DPYD: variants seen among roughly 807,000 people sequenced by gnomAD.
DPYD encodes dihydropyrimidine dehydrogenase.
In DPYD, 109 loss-of-function variants were observed where a neutral mutation model predicts 116.2. The ratio of observed to expected loss-of-function variants is 0.94; its 90% CI spans 0.80 to 1.10. DPYD has a LOEUF of 1.10. Among genes scored for constraint, DPYD ranks in the 50% least tolerant of loss-of-function variants. DPYD has a pLI of 0.00. For missense variants in DPYD, 1,302 were observed against 1,254.5 expected (o/e 1.04, Z -0.57); for synonymous variants, 440 against 432.0 (o/e 1.02, Z -0.23).
intron 2 of DPYD, among the ~76,000 whole-genome samples, chr1:97,844,811 AC>A (rs1255652992): frequency 1.3e-5 from 2 of 151,950 alleles, no homozygotes; most frequent in East Asian, 3.9e-4. Flanking sequence ...GGCCTGGGAA[AC>A]CCCCCACTGC....
intron 21 of DPYD, among the ~76,000 whole-genome samples, chr1:97,097,576 T>C (rs1650356824): frequency 6.6e-6 from 1 of 152,096 alleles, no homozygotes; most frequent in Non-Finnish European, 1.5e-5. Flanking sequence ...TTTTTCTCAT[T>C]ATGACTGCTT....
In DPYD at chr1:97,829,107, T is replaced by C. The variant is rs569074922; in HGVS notation, c.151-911A>G. On this transcript the variant is annotated intron_variant, in intron 2 of 22. Coordinates refer to ENST00000370192, the MANE Select transcript of DPYD (RefSeq NM_000110.4). ...AGATTTCTTATGGAATTTACTAGTA[T>C]TTAGTTGATAAAATAACTAGATTTA... Among the ~76,000 whole-genome samples, 46 of 151,968 alleles carry C rather than the reference T, an allele frequency of 3.0e-4. No homozygotes were observed. In the South Asian group the frequency reaches 6.2e-3, roughly 21 times the overall value.
chr1:97,804,425 T>C lies in DPYD; in HGVS notation c.233+23689A>G, dbSNP rs1161784345. Reference sequence around the variant, plus strand: ...CCCATAATATAAAGTCCTAAAACTATTTGTGAAGTCTCAAGATGTTAAGAT... The same window carrying C: ...CCCATAATATAAAGTCCTAAAACTACTTGTGAAGTCTCAAGATGTTAAGAT... On this transcript the variant is annotated intron_variant, in intron 3 of 22. Transcript: ENST00000370192. Among the ~76,000 whole-genome samples, 2 of 151,824 alleles carry C rather than the reference T, an allele frequency of 1.3e-5. 1 individual carries two copies. Among genetic ancestry groups the C allele is most frequent in the Non-Finnish European group, 3.0e-5 (2 of 67,786 alleles).
intron 1 of DPYD, among the ~76,000 whole-genome samples, chr1:97,890,701 C>A (rs1258336585): frequency 6.6e-6 from 1 of 151,928 alleles, no homozygotes; most frequent in South Asian, 2.1e-4. Flanking sequence ...TAAAAAGACA[C>A]ATTTTTTTAA....
At chr1:97,622,172 G>T (rs1038109594) in intron 8 of DPYD, among the ~76,000 whole-genome samples, 3 of 151,982 alleles carry the variant, frequency 2.0e-5, no homozygotes, top group Non-Finnish European at 4.4e-5. Flanking sequence ...TATGCAAAGA[G>T]TCATAAAAGA....
intron 10 of DPYD, among the ~76,000 whole-genome samples, chr1:97,574,690 G>A (rs993861702): frequency 1.3e-5 from 2 of 152,032 alleles, no homozygotes; most frequent in African/African-American, 4.8e-5. Context: ...GAATATTAAT[G>A]TTTACTCATT....
chr1:97,650,820 T>A (rs982119902), intron 8 of DPYD, among the ~76,000 whole-genome samples: 4 of 151,994 alleles, frequency 2.6e-5, no homozygotes, highest in African/African-American at 9.7e-5. Flanking sequence ...CTTATCTGTT[T>A]CCACAGTGAA....
chr1:97,283,429 C>G (rs1463566635), intron 18 of DPYD, among the ~76,000 whole-genome samples: 2 of 151,962 alleles, frequency 1.3e-5, no homozygotes, highest in Non-Finnish European at 2.9e-5. Flanking sequence ...CACCTTTCAT[C>G]TAGGTGAAAA....
intron 5 of DPYD, among the ~76,000 whole-genome samples, chr1:97,714,402 T>G (rs543213749): frequency 1.3e-5 from 2 of 151,882 alleles, no homozygotes; most frequent in South Asian, 4.2e-4. Context: ...TTAGTAGAGA[T>G]GGGGTTTTAC....
At chr1:97,898,432 T>C (rs915562999) in intron 1 of DPYD, among the ~76,000 whole-genome samples, 17 of 151,932 alleles carry the variant, frequency 1.1e-4, no homozygotes, top group African/African-American at 4.1e-4. Flanking sequence ...CCCCTTCTGA[T>C]CTGCAGCCTA....
At chr1:97,747,648 T>C (rs116698420) in intron 3 of DPYD, among the ~76,000 whole-genome samples, 110 of 152,318 alleles carry the variant, frequency 7.2e-4, no homozygotes, top group Non-Finnish European at 1.3e-3. Flanking sequence ...TGTATGTAGC[T>C]ATGTATGTAC....
chr1:97,849,959 C>T (rs1670492326), intron 2 of DPYD, among the ~76,000 whole-genome samples: 1 of 152,084 alleles, frequency 6.6e-6, no homozygotes, highest in Admixed American at 6.6e-5. Context: ...TAAGAAATTT[C>T]CTGCCTGAGA....
chr1:97,234,232 A>G (rs1661760821), intron 19 of DPYD, among the ~76,000 whole-genome samples: 1 of 152,102 alleles, frequency 6.6e-6, no homozygotes, highest in East Asian at 1.9e-4. Flanking sequence ...GTTGAGCAAC[A>G]TTATTTTTAA....
intron 8 of DPYD, among the ~76,000 whole-genome samples, chr1:97,665,855 AG>A (rs1211673781): frequency 6.6e-6 from 1 of 152,224 alleles, no homozygotes; most frequent in Non-Finnish European, 1.5e-5. Context: ...CTTGAATAAA[AG>A]GAACTATGCT....
chr1:97,838,325 A>G (rs1230734312), intron 2 of DPYD, among the ~76,000 whole-genome samples: 1 of 152,172 alleles, frequency 6.6e-6, no homozygotes, highest in Admixed American at 6.5e-5. Context: ...ATAAATCCAG[A>G]TATAATAGCA....
rs1355505314 is a variant in DPYD, at chr1:97,352,198, GACA to G, written c.2058+21360_2058+21362del. On this transcript the variant is annotated intron_variant, in intron 16 of 22. Transcript: ENST00000370192. ...AAGGAAGTGAAAGTGGAGGAGGTCA[GACA>G]ACAAGTGCCAATGTGGCGTGTCCAC... 2.8e-4 allele frequency among the ~76,000 whole-genome samples: 43 copies of G among 152,288 alleles called. No homozygotes were observed. The East Asian group carries it at 8.3e-3, about 29-fold the overall frequency.
intron 8 of DPYD, among the ~76,000 whole-genome samples, chr1:97,672,213 T>C (rs1557874178): frequency 6.6e-6 from 1 of 152,160 alleles, no homozygotes; most frequent in Non-Finnish European, 1.5e-5. Flanking sequence ...ACTGTCAATA[T>C]TGCTGATATT....
In DPYD at chr1:97,323,225, T is replaced by C. The variant is rs764041121; in HGVS notation, c.2059-16928A>G. 5.0e-4 allele frequency among the ~76,000 whole-genome samples: 74 copies of C among 148,866 alleles called. 1 individual carries two copies. The highest frequency in any genetic ancestry group is 1.8e-3 in the African/African-American group (74 of 40,842). On this transcript the variant is annotated intron_variant, in intron 16 of 22. Coordinates refer to ENST00000370192, the MANE Select transcript of DPYD (RefSeq NM_000110.4). ...ATATCCACATATGTGTATACATACA[T>C]ATGTATATATGTATACACATTTATA...
chr1:97,839,213 G>A (rs1445800926), intron 2 of DPYD, among the ~76,000 whole-genome samples: 5 of 152,116 alleles, frequency 3.3e-5, no homozygotes, highest in Admixed American at 1.3e-4. Flanking sequence ...TGAAAATTAC[G>A]CATATTGTAA....
Sources: allele counts gnomAD v4.1 joint callset (sites outside exome capture counted in the v4.1 genomes callset), GRCh38; gene constraint gnomAD v4.1.1; transcripts MANE v1.5; gene names NCBI Gene and HGNC (gene_info 2026-07-23, HGNC 2026-07-21).